Variants in PIGL observed in about 807,000 individuals in gnomAD.
The protein encoded by PIGL is phosphatidylinositol glycan anchor biosynthesis class L.
A neutral mutation model predicts 31.1 loss-of-function variants in PIGL; 22 were observed. That is an observed-to-expected ratio of 0.71 (90% CI 0.51 to 1.01). PIGL has a LOEUF of 1.01. Among genes scored for constraint, PIGL ranks in the 50% least tolerant of loss-of-function variants. The pLI is 0.00. For missense variants in PIGL, 302 were observed against 315.9 expected (o/e 0.96, Z 0.33); for synonymous variants, 131 against 117.4 (o/e 1.12, Z -0.75).
intron 2 of PIGL, among the ~76,000 whole-genome samples, chr17:16,260,739 T>TA (rs1600792405): frequency 6.6e-6 from 1 of 152,184 alleles, no homozygotes; most frequent in Non-Finnish European, 1.5e-5. Context: ...AGCTCCTCTC[T>TA]ATCTTGCTCA....
chr17:16,252,586 A>T (rs975659071), intron 2 of PIGL, among the ~76,000 whole-genome samples: 1 of 149,370 alleles, frequency 6.7e-6, no homozygotes, highest in Admixed American at 6.7e-5. Context: ...TTATATAATT[A>T]TATGTATATA....
intron 2 of PIGL, among the ~76,000 whole-genome samples, chr17:16,295,956 A>T (rs1305416156): frequency 6.6e-6 from 1 of 152,142 alleles, no homozygotes; most frequent in Non-Finnish European, 1.5e-5. Flanking sequence ...ATAAATAAAT[A>T]AAATAAAATA....
At chr17:16,304,720 C>A (rs1194807384) in intron 3 of PIGL, among the ~76,000 whole-genome samples, 3 of 152,168 alleles carry the variant, frequency 2.0e-5, no homozygotes, top group Non-Finnish European at 4.4e-5. Flanking sequence ...TGGGCCTCAA[C>A]CCCTCTACCT....
intron 2 of PIGL, among the ~76,000 whole-genome samples, chr17:16,240,407 G>A (rs569717337): frequency 6.6e-6 from 1 of 152,166 alleles, no homozygotes; most frequent in East Asian, 1.9e-4. Context: ...GGAACTCCTA[G>A]GCTCAAGCAA....
At chr17:16,237,193 C>T (rs2092703007) in intron 2 of PIGL, among the ~76,000 whole-genome samples, 2 of 148,998 alleles carry the variant, frequency 1.3e-5, no homozygotes, top group Non-Finnish European at 1.5e-5. Flanking sequence ...CTGCAACGTC[C>T]GCCACCTGAG....
At chr17:16,217,633 G>C in intron 1 of PIGL, 172 bp downstream of exon 1, 11 of 531,440 alleles carry the variant, frequency 2.1e-5, no homozygotes, top group Admixed American at 3.5e-5. Context: ...CGGCTTACCT[G>C]GTGGGTTGGG....
chr17:16,245,652 C>T (rs1401847704), intron 2 of PIGL, among the ~76,000 whole-genome samples: 2 of 150,782 alleles, frequency 1.3e-5, no homozygotes, highest in African/African-American at 2.4e-5. Context: ...ATCTGCCCGC[C>T]TCAGCCCTCC....
At chr17:16,234,243 G>A in intron 2 of PIGL, 173 bp downstream of exon 2, 2 of 484,910 alleles carry the variant, frequency 4.1e-6, no homozygotes, top group Non-Finnish European at 7.4e-6. Flanking sequence ...GCCGAGGTGG[G>A]CGGTCTCAGG....
At chr17:16,244,527 G>A (rs80331579) in intron 2 of PIGL, among the ~76,000 whole-genome samples, 2,875 of 152,236 alleles carry the variant, frequency 0.019, 61 homozygotes, top group East Asian at 0.051. Context: ...AAATGTTTTC[G>A]GGGACAAATC....
chr17:16,252,703 A>G (rs1212844557), intron 2 of PIGL, among the ~76,000 whole-genome samples: 1 of 152,118 alleles, frequency 6.6e-6, no homozygotes, highest in Non-Finnish European at 1.5e-5. Context: ...TAGATTACAA[A>G]TAATTCTGTG....
At chr17:16,303,916 G>A (rs939803058) in intron 3 of PIGL, among the ~76,000 whole-genome samples, 7 of 151,910 alleles carry the variant, frequency 4.6e-5, no homozygotes, top group African/African-American at 1.2e-4. Flanking sequence ...GGGTTTCGCC[G>A]TGTTAGCCAG....
At chr17:16,285,797 A>G (rs886358924) in intron 2 of PIGL, among the ~76,000 whole-genome samples, 1 of 150,710 alleles carries the variant, frequency 6.6e-6, no homozygotes, top group African/African-American at 2.4e-5. Context: ...CTTTTCCCCT[A>G]TTTCTTTTCT....
At chr17:16,233,373 G>A (rs1362746727) in intron 1 of PIGL, among the ~76,000 whole-genome samples, 2 of 152,144 alleles carry the variant, frequency 1.3e-5, no homozygotes, top group Non-Finnish European at 1.5e-5. Flanking sequence ...GGAAAATAAA[G>A]AATATATAAG....
intron 1 of PIGL, among the ~76,000 whole-genome samples, chr17:16,218,642 A>G (rs1013205928): frequency 2.0e-5 from 3 of 151,890 alleles, no homozygotes; most frequent in African/African-American, 7.3e-5. Flanking sequence ...TTTGCATTGC[A>G]AAACACATTC....
At chr17:16,233,916 T>A in intron 1 of PIGL, 55 bp from the exon 2 acceptor site, 1 of 853,454 alleles carries the variant, frequency 1.2e-6, no homozygotes, top group Non-Finnish European at 2.0e-6. Context: ...AGTGAATAGA[T>A]AGGTCTCCAC....
intron 1 of PIGL, among the ~76,000 whole-genome samples, chr17:16,230,935 G>C (rs2092675781): frequency 6.6e-6 from 1 of 151,688 alleles, no homozygotes; most frequent in Admixed American, 6.6e-5. Context: ...TTAGTAAAAA[G>C]ACAGATAGTG....
chr17:16,307,589 A>T lies in PIGL; in HGVS notation c.427-5958A>T, dbSNP rs56948258. Among the ~76,000 whole-genome samples the T allele has an allele frequency of 7.3e-3, 1,117 of 152,334 alleles. 17 individuals carry two copies. The highest frequency in any genetic ancestry group is 0.026 in the African/African-American group (1,076 of 41,582). On this transcript the variant is annotated intron_variant, in intron 3 of 6. Transcript: ENST00000225609. ...ATATAGTTCTGTCATCAAAGGTAAG[A>T]ATGATTTTAACCCCAGTGCCTGGTA...
chr17:16,326,223 T>G lies in PIGL; in HGVS notation c.*325T>G. 1 of 274,390 alleles carries G rather than the reference T, an allele frequency of 3.6e-6. No individual in the cohort carries two copies. Among genetic ancestry groups the G allele is most frequent in the Non-Finnish European group, 6.9e-6 (1 of 145,820 alleles). 17.0% of individuals were successfully genotyped at this position (274,390 alleles called of 1,614,324 possible). ...CCAGTGCCTGGGCAGGTCCCTATTA[T>G]CATAAATGAACATAAAAGTGCTCTA... is the stretch of plus-strand genomic sequence containing the variant. On this transcript the variant is annotated 3_prime_UTR_variant, in exon 7 of 7. Coordinates refer to ENST00000225609, the MANE Select transcript of PIGL (RefSeq NM_004278.4).
chr17:16,262,689 CAT>C (rs2092824148), intron 2 of PIGL, among the ~76,000 whole-genome samples: 1 of 152,088 alleles, frequency 6.6e-6, no homozygotes, highest in South Asian at 2.1e-4. Context: ...AGAATTACCA[CAT>C]GACTAGCAAT....
Sources: allele counts gnomAD v4.1 joint callset (sites outside exome capture counted in the v4.1 genomes callset), GRCh38; gene constraint gnomAD v4.1.1; transcripts MANE v1.5; gene names NCBI Gene and HGNC (gene_info 2026-07-23, HGNC 2026-07-21).